Variants in CRYZL1 observed in about 807,000 individuals in gnomAD.
CRYZL1 encodes the protein crystallin zeta like 1.
In CRYZL1, 34 loss-of-function variants were observed where a neutral mutation model predicts 50.6. The ratio of observed to expected loss-of-function variants is 0.67; its 90% confidence interval spans 0.51 to 0.89. The LOEUF (loss-of-function observed/expected upper bound fraction) is 0.89, where lower values mean the gene tolerates loss of function less well. CRYZL1 is among the 40% of genes least tolerant of loss of function. The pLI, the probability that CRYZL1 is intolerant of heterozygous loss-of-function variation, is 0.00. For missense variants in CRYZL1, 354 were observed against 402.3 expected, an observed-to-expected ratio of 0.88 and a Z score of 1.03; for synonymous variants, 125 against 134.3, an observed-to-expected ratio of 0.93 and a Z score of 0.48.
intron 2 of CRYZL1, among the ~76,000 whole-genome samples, chr21:33,629,357 G>T (rs1257477164): frequency 6.6e-6 from 1 of 152,188 alleles, no homozygotes; most frequent in Non-Finnish European, 1.5e-5. Flanking sequence ...TGCCTCTTGG[G>T]TTCAAGCAAT....
chr21:33,640,251 TG>T, intron 1 of CRYZL1: 1 of 1,540,126 alleles, frequency 6.5e-7, no homozygotes. Flanking sequence ...AGCTTTATCT[TG>T]TATGGCGAAC....
At chr21:33,605,541 G>T (rs561690784) in intron 6 of CRYZL1, among the ~76,000 whole-genome samples, 10 of 1,404 alleles carry the variant, frequency 7.1e-3, no homozygotes, top group East Asian at 0.059. Context: ...TTTTTTTTTT[G>T]AGATGGAGTC....
intron 2 of CRYZL1, among the ~76,000 whole-genome samples, chr21:33,625,361 T>G (rs1290380214): frequency 6.6e-6 from 1 of 152,134 alleles, no homozygotes; most frequent in Non-Finnish European, 1.5e-5. Flanking sequence ...TTCACTGTGT[T>G]AGCCAGGATG....
intron 10 of CRYZL1, 73 bp from the exon 11 acceptor site, chr21:33,595,909 G>T: frequency 1.0e-6 from 1 of 970,264 alleles, no homozygotes; most frequent in Non-Finnish European, 1.6e-6. Context: ...TCTCGAGTCA[G>T]AAAAACTTCT....
At chr21:33,609,184 C>T (rs983644801) in intron 6 of CRYZL1, among the ~76,000 whole-genome samples, 1 of 151,894 alleles carries the variant, frequency 6.6e-6, no homozygotes, top group African/African-American at 2.4e-5. Context: ...TTTTTTTCTT[C>T]TTGCTGTTTT....
At chr21:33,616,581 A>G (rs747054175) in intron 5 of CRYZL1, 125 bp downstream of exon 5, 1 of 1,547,016 alleles carries the variant, frequency 6.5e-7, no homozygotes, top group South Asian at 1.2e-5. Flanking sequence ...CGTGAGCCAC[A>G]GCACCCAGCC....
At chr21:33,617,558 G>A (rs1013883845) in intron 4 of CRYZL1, among the ~76,000 whole-genome samples, 3 of 152,088 alleles carry the variant, frequency 2.0e-5, no homozygotes, top group Admixed American at 2.0e-4. Context: ...CAAGACTCAC[G>A]TCTCCAAAAA....
In CRYZL1 at chr21:33,589,805, T is replaced by C. The variant is rs2086623385; in HGVS notation, c.*17A>G. Reference sequence around the variant, plus strand: ...CTGGAATATGTTCATCCGACTGAGGTCTGAGAAAGAAGAAAATTAAAATTG... The same window carrying C: ...CTGGAATATGTTCATCCGACTGAGGCCTGAGAAAGAAGAAAATTAAAATTG... On this transcript the variant is annotated 3_prime_UTR_variant, in exon 13 of 13. Coordinates refer to ENST00000381554, the MANE Select transcript of CRYZL1 (RefSeq NM_145858.3). 1 of 1,476,314 alleles carries C rather than the reference T, an allele frequency of 6.8e-7. No individual in the cohort carries two copies. The highest frequency in any genetic ancestry group is 1.1e-5 in the South Asian group (1 of 87,612). 91.5% of individuals were successfully genotyped at this position (1,476,314 alleles called of 1,614,324 possible). A position where few individuals can be genotyped will look rare whatever the true frequency, so the allele number is the denominator to read the frequency against.
intron 4 of CRYZL1, among the ~76,000 whole-genome samples, chr21:33,617,776 G>A (rs1601340710): frequency 1.3e-5 from 2 of 152,310 alleles, no homozygotes; most frequent in East Asian, 3.9e-4. Context: ...AACACAACCG[G>A]TTAGGACAGG....
chr21:33,621,329 AT>A (rs1244121755), intron 4 of CRYZL1, among the ~76,000 whole-genome samples: 1 of 150,856 alleles, frequency 6.6e-6, no homozygotes, highest in African/African-American at 2.4e-5. Flanking sequence ...ACATCATGTA[AT>A]TTTTTTTCAA....
intron 11 of CRYZL1, among the ~76,000 whole-genome samples, chr21:33,594,307 C>T (rs1040035720): frequency 2.0e-5 from 3 of 151,454 alleles, no homozygotes; most frequent in Non-Finnish European, 4.4e-5. Context: ...GCGTGTGCCA[C>T]CACACCCAAC....
intron 1 of CRYZL1, among the ~76,000 whole-genome samples, chr21:33,640,995 T>G (rs1180484144): frequency 6.6e-6 from 1 of 152,234 alleles, no homozygotes; most frequent in Non-Finnish European, 1.5e-5. Flanking sequence ...TTCACGTGTT[T>G]CTTTTCACTT....
At chr21:33,605,635 C>G (rs2086804849) in intron 6 of CRYZL1, among the ~76,000 whole-genome samples, 1 of 149,634 alleles carries the variant, frequency 6.7e-6, no homozygotes, top group African/African-American at 2.5e-5. Flanking sequence ...AATTCTCCTG[C>G]CTCAGCCTCC....
intron 11 of CRYZL1, 187 bp from the exon 12 acceptor site, chr21:33,591,394 G>C (rs1601322744): frequency 5.0e-6 from 3 of 603,348 alleles, no homozygotes; most frequent in East Asian, 5.5e-5. Context: ...AATGATTTGA[G>C]AGTTGGTGGT....
intron 1 of CRYZL1, chr21:33,640,142 C>T (rs765398772): frequency 7.2e-5 from 112 of 1,546,792 alleles, no homozygotes; most frequent in South Asian, 5.8e-4. Flanking sequence ...TGTATTTTTG[C>T]TCTTCTGCTC....
chr21:33,619,823 T>C (rs989985686), intron 4 of CRYZL1, among the ~76,000 whole-genome samples: 6 of 152,230 alleles, frequency 3.9e-5, no homozygotes, highest in African/African-American at 1.2e-4. Flanking sequence ...TTCACTTGCT[T>C]GTCTTTGCTC....
At chr21:33,618,641 C>A (rs1360100711) in intron 4 of CRYZL1, among the ~76,000 whole-genome samples, 1 of 152,164 alleles carries the variant, frequency 6.6e-6, no homozygotes, top group African/African-American at 2.4e-5. Context: ...TTGCCACTAG[C>A]AAGTAATTCG....
intron 8 of CRYZL1, among the ~76,000 whole-genome samples, chr21:33,599,923 C>T (rs1228000253): frequency 6.6e-6 from 1 of 151,996 alleles, no homozygotes; most frequent in East Asian, 1.9e-4. Flanking sequence ...GGTGAGCCAC[C>T]ACCCCCAGCT....
intron 11 of CRYZL1, among the ~76,000 whole-genome samples, chr21:33,594,141 T>C (rs2086670876): frequency 6.6e-6 from 1 of 151,716 alleles, no homozygotes; most frequent in Non-Finnish European, 1.5e-5. Context: ...ACAATGTTAT[T>C]GGATTGGACA....
Sources: allele counts gnomAD v4.1 joint callset (sites outside exome capture counted in the v4.1 genomes callset), GRCh38; gene constraint gnomAD v4.1.1; transcripts MANE v1.5; gene names NCBI Gene and HGNC (gene_info 2026-07-23, HGNC 2026-07-21).